Variants in SMAD9 observed in about 807,000 individuals in gnomAD.
SMAD9 encodes SMAD family member 9, also known as MAD homolog 9.
Under a neutral mutation model 46.1 loss-of-function variants are expected in SMAD9, and 36 were observed. The ratio of observed to expected loss-of-function variants is 0.78; its 90% CI spans 0.60 to 1.03. The LOEUF is 1.03. SMAD9 is among the 50% of genes least tolerant of loss of function. SMAD9 has a pLI of 0.00. For synonymous variants in SMAD9, 245 were observed against 237.1 expected, an observed-to-expected ratio of 1.03 and a Z score of -0.31; for missense variants, 572 against 599.8, an observed-to-expected ratio of 0.95 and a Z score of 0.48.
intron 2 of SMAD9, among the ~76,000 whole-genome samples, chr13:36,876,180 CGG>C (rs199651267): frequency 0.073 from 11,141 of 151,972 alleles, 1,025 homozygotes; most frequent in African/African-American, 0.21. Context: ...CAGTGTCACA[CGG>C]GGGGAGACAG....
At chr13:36,886,800 G>A (rs1040075184) in intron 1 of SMAD9, among the ~76,000 whole-genome samples, 9 of 152,200 alleles carry the variant, frequency 5.9e-5, no homozygotes, top group South Asian at 2.1e-4. Flanking sequence ...GAGAAAGTGC[G>A]GCCACTCCAG....
intron 1 of SMAD9, among the ~76,000 whole-genome samples, chr13:36,889,511 G>A (rs1452315603): frequency 6.6e-6 from 1 of 152,090 alleles, no homozygotes; most frequent in African/African-American, 2.4e-5. Context: ...ATAGAACAAA[G>A]CAGCCCATGT....
intron 1 of SMAD9, among the ~76,000 whole-genome samples, chr13:36,885,800 C>T (rs972998449): frequency 7.9e-5 from 12 of 151,736 alleles, no homozygotes; most frequent in African/African-American, 2.9e-4. Flanking sequence ...AGGCAACAGT[C>T]CATAGGTATT....
chr13:36,852,074 T>C, intron 6 of SMAD9: 2 of 971,948 alleles, frequency 2.1e-6, no homozygotes, highest in Non-Finnish European at 2.4e-6. Context: ...CTTTATAATA[T>C]ATGCTTTCAA....
intron 4 of SMAD9, among the ~76,000 whole-genome samples, 161 bp downstream of exon 4, chr13:36,867,112 T>C (rs2058242288): frequency 6.6e-6 from 1 of 152,226 alleles, no homozygotes; most frequent in African/African-American, 2.4e-5. Flanking sequence ...TACTGAGGAA[T>C]GTCAAAGTTA....
chr13:36,896,710 CAAAT>C (rs1566035447), intron 1 of SMAD9, among the ~76,000 whole-genome samples: 1 of 152,054 alleles, frequency 6.6e-6, no homozygotes, highest in African/African-American at 2.4e-5. Context: ...AAAGGCGGCT[CAAAT>C]AACCACTGTT....
intron 5 of SMAD9, among the ~76,000 whole-genome samples, chr13:36,857,701 G>A (rs2058140157): frequency 6.6e-6 from 1 of 152,160 alleles, no homozygotes; most frequent in Non-Finnish European, 1.5e-5. Flanking sequence ...AACAGAGGAA[G>A]AAGTCAGTGT....
chr13:36,870,245 A>G (rs1593574906), intron 3 of SMAD9, among the ~76,000 whole-genome samples: 1 of 152,218 alleles, frequency 6.6e-6, no homozygotes, highest in East Asian at 1.9e-4. Context: ...AAGTCTTTGT[A>G]GCATAGAGGT....
At chr13:36,885,310 C>G (rs2058435716) in intron 1 of SMAD9, among the ~76,000 whole-genome samples, 1 of 152,098 alleles carries the variant, frequency 6.6e-6, no homozygotes, top group African/African-American at 2.4e-5. Context: ...AAACAGCTGG[C>G]TGTTATTATC....
At chr13:36,900,178 G>A (rs2058562285) in intron 1 of SMAD9, among the ~76,000 whole-genome samples, 1 of 152,158 alleles carries the variant, frequency 6.6e-6, no homozygotes, top group South Asian at 2.1e-4. Flanking sequence ...AGCACTTACT[G>A]TTTTTCCAAC....
At chr13:36,902,348 T>G (rs577542621) in intron 1 of SMAD9, among the ~76,000 whole-genome samples, 16 of 152,348 alleles carry the variant, frequency 1.1e-4, no homozygotes, top group African/African-American at 3.8e-4. Context: ...TTCAATTCTA[T>G]TCCATTGATC....
At chr13:36,878,367 T>C (rs1046043443) in intron 2 of SMAD9, among the ~76,000 whole-genome samples, 1 of 152,152 alleles carries the variant, frequency 6.6e-6, no homozygotes, top group African/African-American at 2.4e-5. Flanking sequence ...CCATTGTGGT[T>C]AGGATTGCCT....
At position 36,920,193 on chromosome 13, in the gene SMAD9, G is replaced by GCA. The variant is rs1566047297; in HGVS notation, c.-265_-264insTG. ...CCGAGACAGCGGCTGCAGCAGCGGC[G>GCA]GCGGCGGCGGCGGCGGCGGCGGCCC... is the stretch of plus-strand genomic sequence containing the variant. On this transcript the variant is annotated 5_prime_UTR_variant, in exon 1 of 7. Transcript: ENST00000379826. The GCA allele has an allele frequency of 1.9e-4, 7 of 36,456 alleles. No individual in the cohort carries two copies. Among genetic ancestry groups the GCA allele is most frequent in the African/African-American group, 4.2e-4 (7 of 16,850 alleles). The allele number at this position is 36,456 out of a possible 1,614,324, so 2.3% of individuals were successfully genotyped here.
intron 1 of SMAD9, among the ~76,000 whole-genome samples, chr13:36,908,920 T>C (rs1389665316): frequency 6.6e-6 from 1 of 152,086 alleles, no homozygotes; most frequent in Non-Finnish European, 1.5e-5. Flanking sequence ...GACTCTTGGT[T>C]TACCAGGCAG....
rs2058382572 is a variant in SMAD9 at position 36,879,535 on chromosome 13, A to G, written c.155T>C (p.Met52Thr). Residue 52 changes from methionine (M) to threonine (T), a missense_variant, in exon 2 of 7, where the codon ATG becomes ACG. Coordinates refer to ENST00000379826, the MANE Select transcript of SMAD9 (RefSeq NM_001127217.3). ...VKKLKKKKGA[M>T]DELERALSCP... ...GCTGAGAGCCCTCTCCAGCTCGTCC[A>G]TGGCTCCCTTCTTCTTCTTTAACTT... is the stretch of plus-strand genomic sequence containing the variant. 1.9e-6 allele frequency: 3 copies of G among 1,614,200 alleles called. No individual in the cohort carries two copies. The highest frequency in any genetic ancestry group is 1.7e-6 in the Non-Finnish European group (2 of 1,180,030).
chr13:36,891,373 A>G (rs557438261), intron 1 of SMAD9, among the ~76,000 whole-genome samples: 1 of 152,338 alleles, frequency 6.6e-6, no homozygotes, highest in African/African-American at 2.4e-5. Flanking sequence ...TGCCTAAGGA[A>G]TAAGAACTCT....
Position 36,920,195 on chromosome 13 carries a change from C to T in SMAD9, c.-266G>A. 2 of 161,182 alleles carry T rather than the reference C, an allele frequency of 1.2e-5. No individual in the cohort carries two copies. The highest frequency in any genetic ancestry group is 1.3e-5 in the Non-Finnish European group (1 of 78,516). The allele number at this position is 161,182 out of a possible 1,614,324, so 10.0% of individuals were successfully genotyped here. On this transcript the variant is annotated 5_prime_UTR_variant, in exon 1 of 7. Coordinates refer to ENST00000379826, the MANE Select transcript of SMAD9 (RefSeq NM_001127217.3). ...GAGACAGCGGCTGCAGCAGCGGCGG[C>T]GGCGGCGGCGGCGGCGGCGGCCCCA...
chr13:36,876,569 T>C (rs1382094336), intron 2 of SMAD9, among the ~76,000 whole-genome samples: 3 of 152,218 alleles, frequency 2.0e-5, no homozygotes, highest in African/African-American at 7.2e-5. Flanking sequence ...CTTTTTAAAA[T>C]TTCATTTGCC....
At position 36,906,464 on chromosome 13, in the gene SMAD9, T is replaced by C. The variant is rs116108516; in HGVS notation, c.-187+13652A>G. ...TCATACTTCTGATAAGGGATACACA[T>C]CCAGAATATATCTCATCACCAGGAA... is the stretch of plus-strand genomic sequence containing the variant. On this transcript the variant is annotated intron_variant, in intron 1 of 6. Coordinates refer to ENST00000379826, the MANE Select transcript of SMAD9 (RefSeq NM_001127217.3). 4.5e-3 allele frequency among the ~76,000 whole-genome samples: 687 copies of C among 151,922 alleles called. 6 individuals are homozygous for C. Among genetic ancestry groups the C allele is most frequent in the African/African-American group, 0.015 (642 of 41,434 alleles).
Sources: gnomAD v4.1 joint callset for allele counts (sites outside exome capture counted in the v4.1 genomes callset) on GRCh38, gnomAD v4.1.1 for gene constraint, MANE v1.5 for transcripts, NCBI Gene and HGNC (gene_info 2026-07-23, HGNC 2026-07-21) for gene names.